The following TMEM45A variants were observed in gnomAD, a reference collection of about 807,000 sequenced individuals.
TMEM45A encodes DNA polymerase-transactivated protein 4.
TMEM45A carries 25 observed loss-of-function variants against 32.0 expected under a neutral mutation model. The ratio of observed to expected loss-of-function variants is 0.78; its 90% CI spans 0.57 to 1.09. The LOEUF is 1.09. Ranked by LOEUF, TMEM45A falls within the 50% of genes least tolerant of loss-of-function variation. TMEM45A has a pLI of 0.00. For missense variants in TMEM45A, 302 were observed against 325.0 expected, an observed-to-expected ratio of 0.93 and a Z score of 0.54; for synonymous variants, 122 against 114.8, an observed-to-expected ratio of 1.06 and a Z score of -0.40.
chr3:100,523,211 T>C (rs1243901777), intron 1 of TMEM45A, among the ~76,000 whole-genome samples: 2 of 152,216 alleles, frequency 1.3e-5, no homozygotes. Context: ...GACGTTCTGC[T>C]GATGTTGTCT....
intron 1 of TMEM45A, among the ~76,000 whole-genome samples, chr3:100,530,072 G>T (rs1705616661): frequency 6.6e-6 from 1 of 152,074 alleles, no homozygotes; most frequent in Non-Finnish European, 1.5e-5. Context: ...TATAAAAATA[G>T]AATAGTATAA....
intron 5 of TMEM45A, among the ~76,000 whole-genome samples, chr3:100,575,818 T>G (rs1706673195): frequency 6.6e-6 from 1 of 152,254 alleles, no homozygotes; most frequent in Non-Finnish European, 1.5e-5. Context: ...TAGCAGGAAG[T>G]AGGGGCTGAA....
chr3:100,537,329 C>A (rs1310959690), intron 1 of TMEM45A, among the ~76,000 whole-genome samples: 1 of 152,136 alleles, frequency 6.6e-6, no homozygotes, highest in Non-Finnish European at 1.5e-5. Flanking sequence ...GTGGGGAGAA[C>A]CGGATGCTGG....
chr3:100,517,898 TG>T (rs1177930202), intron 1 of TMEM45A, among the ~76,000 whole-genome samples: 1 of 152,232 alleles, frequency 6.6e-6, no homozygotes, highest in Non-Finnish European at 1.5e-5. Context: ...GTGGTTTAAA[TG>T]GGCTTGTTTA....
At chr3:100,524,312 T>G (rs1559640147) in intron 1 of TMEM45A, among the ~76,000 whole-genome samples, 1 of 152,202 alleles carries the variant, frequency 6.6e-6, no homozygotes. Context: ...TCATAATACC[T>G]CTCTTACCAG....
chr3:100,542,409 G>C (rs1359155103), intron 1 of TMEM45A, among the ~76,000 whole-genome samples: 1 of 152,154 alleles, frequency 6.6e-6, no homozygotes, highest in African/African-American at 2.4e-5. Context: ...AAGGATTTAT[G>C]ACTAAGTACC....
chr3:100,501,857 C>T (rs953284710), intron 1 of TMEM45A, among the ~76,000 whole-genome samples: 1 of 152,136 alleles, frequency 6.6e-6, no homozygotes, highest in Admixed American at 6.5e-5. Flanking sequence ...GCCACATAGA[C>T]CCAATTCTTA....
chr3:100,560,789 G>A (rs1005247848), intron 4 of TMEM45A, among the ~76,000 whole-genome samples: 1 of 152,206 alleles, frequency 6.6e-6, no homozygotes, highest in East Asian at 1.9e-4. Context: ...CATAAGAGCA[G>A]AATTAATGAA....
At chr3:100,506,132 G>T (rs1020636157) in intron 1 of TMEM45A, among the ~76,000 whole-genome samples, 2 of 152,198 alleles carry the variant, frequency 1.3e-5, no homozygotes, top group Admixed American at 1.3e-4. Context: ...ACCAAAGGCT[G>T]GGAATATTGC....
At chr3:100,556,999 A>G (rs1184587892) in intron 3 of TMEM45A, 27 bp downstream of exon 3, 1 of 1,607,462 alleles carries the variant, frequency 6.2e-7, no homozygotes, top group Admixed American at 1.7e-5. Flanking sequence ...ATTTTCATGT[A>G]CCTTTCTCTA....
chr3:100,554,768 G>A (rs775961247), intron 1 of TMEM45A, among the ~76,000 whole-genome samples: 3 of 152,168 alleles, frequency 2.0e-5, no homozygotes, highest in Non-Finnish European at 4.4e-5. Flanking sequence ...GCCACTGTAT[G>A]GCGAAGTATA....
intron 1 of TMEM45A, among the ~76,000 whole-genome samples, chr3:100,502,998 C>T (rs1231383926): frequency 6.6e-6 from 1 of 151,396 alleles, no homozygotes; most frequent in Non-Finnish European, 1.5e-5. Context: ...TCCTTCTCCT[C>T]CTCCTCCTTC....
intron 1 of TMEM45A, among the ~76,000 whole-genome samples, chr3:100,507,998 C>T (rs9852395): frequency 0.014 from 2,137 of 151,280 alleles, 47 homozygotes; most frequent in African/African-American, 0.049. Flanking sequence ...AACACAGGAA[C>T]TCAGCAGGAA....
intron 1 of TMEM45A, among the ~76,000 whole-genome samples, chr3:100,554,672 G>T (rs963040890): frequency 3.3e-5 from 5 of 152,210 alleles, no homozygotes; most frequent in Non-Finnish European, 2.9e-5. Context: ...CAACCTAAAA[G>T]AATGTGTAGG....
At chr3:100,551,042 C>A (rs1038763460) in intron 1 of TMEM45A, among the ~76,000 whole-genome samples, 4 of 129,566 alleles carry the variant, frequency 3.1e-5, no homozygotes, top group East Asian at 2.3e-4. Context: ...GAGACGGAGT[C>A]TCCCTCTGTC....
At chr3:100,513,283 A>T (rs1708199512) in intron 1 of TMEM45A, among the ~76,000 whole-genome samples, 1 of 152,192 alleles carries the variant, frequency 6.6e-6, no homozygotes. Flanking sequence ...CACCATGATC[A>T]AGTGGGCTTC....
rs981514638 is a variant in TMEM45A, at chr3:100,576,943, T to G, written c.753T>G (p.Leu251=). 2 of 1,613,422 alleles carry G rather than the reference T, an allele frequency of 1.2e-6. No individual in the cohort carries two copies. The highest frequency in any genetic ancestry group is 1.7e-6 in the Non-Finnish European group (2 of 1,179,762). ...AFITWLVKSR[L]KRLCSSEVGL... ...TCCTCAGGTTGGTTAAATCTAGACT[T>G]AAGAGGCTCTGCTCCTCAGAAGTTG... Residue 251 remains leucine (L), a synonymous_variant, in exon 6 of 6, where the codon CTT becomes CTG. Transcript: ENST00000323523.
At chr3:100,551,305 G>A (rs1322030302) in intron 1 of TMEM45A, among the ~76,000 whole-genome samples, 2 of 152,104 alleles carry the variant, frequency 1.3e-5, no homozygotes, top group Admixed American at 6.5e-5. Context: ...GAGCCACTGC[G>A]CCCGGCCGAA....
chr3:100,503,883 G>A (rs1026835196), intron 1 of TMEM45A, among the ~76,000 whole-genome samples: 1 of 152,116 alleles, frequency 6.6e-6, no homozygotes, highest in African/African-American at 2.4e-5. Flanking sequence ...TTAAATACAG[G>A]GTAGCTTCAC....
Sources: gnomAD v4.1 joint callset for allele counts (sites outside exome capture counted in the v4.1 genomes callset) on GRCh38, gnomAD v4.1.1 for gene constraint, MANE v1.5 for transcripts, NCBI Gene and HGNC (gene_info 2026-07-23, HGNC 2026-07-21) for gene names.